Variants in NTM observed in about 807,000 individuals in gnomAD.
NTM encodes neurotrimin.
A neutral mutation model predicts 42.1 loss-of-function variants in NTM; 13 were observed. The observed-to-expected ratio is 0.31, with a 90% CI of 0.20 to 0.49. The LOEUF (loss-of-function observed/expected upper bound fraction) is 0.49, where lower values mean the gene tolerates loss of function less well. Among genes scored for constraint, NTM ranks in the 20% least tolerant of loss-of-function variants. The probability of loss-of-function intolerance (pLI) is 0.99; values close to 1 mark genes in which losing one functional copy is unlikely to be tolerated. For missense variants in NTM, 373 were observed against 452.8 expected, an observed-to-expected ratio of 0.82 and a Z score of 1.60; for synonymous variants, 187 against 179.2, an observed-to-expected ratio of 1.04 and a Z score of -0.35.
At chr11:131,501,700 G>T (rs1431537699) in intron 1 of NTM, among the ~76,000 whole-genome samples, 2 of 151,894 alleles carry the variant, frequency 1.3e-5, no homozygotes, top group African/African-American at 4.8e-5. Context: ...TAGATCTTGA[G>T]TGTGCTGTAA....
chr11:132,220,980 A>T (rs932936042), intron 4 of NTM, among the ~76,000 whole-genome samples: 1 of 152,158 alleles, frequency 6.6e-6, no homozygotes, highest in Admixed American at 6.5e-5. Flanking sequence ...ACCGCCCATC[A>T]CAACCAGGGT....
intron 1 of NTM, among the ~76,000 whole-genome samples, chr11:131,483,562 G>C (rs1953841994): frequency 6.6e-6 from 1 of 152,246 alleles, no homozygotes; most frequent in African/African-American, 2.4e-5. Flanking sequence ...TTCTTAAGGA[G>C]AGGCGGGAAT....
intron 1 of NTM, among the ~76,000 whole-genome samples, chr11:131,689,733 G>A (rs1035193772): frequency 6.6e-6 from 1 of 152,108 alleles, no homozygotes; most frequent in Non-Finnish European, 1.5e-5. Flanking sequence ...CTCCCATACC[G>A]CAGGCTTGGA....
intron 2 of NTM, among the ~76,000 whole-genome samples, chr11:132,134,416 G>A (rs770744974): frequency 7.9e-5 from 12 of 151,702 alleles, no homozygotes; most frequent in Non-Finnish European, 1.5e-4. Flanking sequence ...TGAGCTTTTG[G>A]TGCACCTTCA....
At chr11:132,107,047 C>T (rs2062465874) in intron 2 of NTM, among the ~76,000 whole-genome samples, 1 of 152,132 alleles carries the variant, frequency 6.6e-6, no homozygotes, top group African/African-American at 2.4e-5. Flanking sequence ...ATGTAAAACT[C>T]CCAGACATAT....
At chr11:131,809,809 C>T (rs559517281) in intron 1 of NTM, among the ~76,000 whole-genome samples, 1 of 152,106 alleles carries the variant, frequency 6.6e-6, no homozygotes, top group African/African-American at 2.4e-5. Flanking sequence ...AGACAGCAGC[C>T]CTTCTGTGTC....
intron 1 of NTM, among the ~76,000 whole-genome samples, chr11:131,606,530 A>G (rs926182834): frequency 6.6e-6 from 1 of 152,254 alleles, no homozygotes; most frequent in Non-Finnish European, 1.5e-5. Context: ...GTGACTGGAC[A>G]GCGATGACAG....
intron 1 of NTM, among the ~76,000 whole-genome samples, chr11:131,499,918 T>G (rs2046524223): frequency 6.6e-6 from 1 of 152,236 alleles, no homozygotes; most frequent in Admixed American, 6.5e-5. Flanking sequence ...ATTTCTTCTC[T>G]TTGAGAAGCC....
At chr11:131,784,080 C>T (rs1005131444) in intron 1 of NTM, among the ~76,000 whole-genome samples, 2 of 152,134 alleles carry the variant, frequency 1.3e-5, no homozygotes, top group Non-Finnish European at 2.9e-5. Context: ...ACTGAAACCA[C>T]AATGAACGCC....
chr11:132,218,138 C>A (rs954203503), intron 4 of NTM, among the ~76,000 whole-genome samples: 1 of 152,000 alleles, frequency 6.6e-6, no homozygotes, highest in Admixed American at 6.5e-5. Flanking sequence ...CCCCGTGTGG[C>A]GCTGAGATCA....
chr11:131,393,817 A>G (rs1455803870), intron 1 of NTM, among the ~76,000 whole-genome samples: 2 of 152,232 alleles, frequency 1.3e-5, no homozygotes, highest in Non-Finnish European at 2.9e-5. Context: ...GGAAGGGGAT[A>G]TTAAATCCAC....
chr11:132,018,097 CCTT>C (rs1465961979), intron 2 of NTM, among the ~76,000 whole-genome samples: 1 of 151,630 alleles, frequency 6.6e-6, no homozygotes, highest in African/African-American at 2.4e-5. Context: ...CAATCCTTTT[CCTT>C]CTTTGTCCCT....
chr11:131,792,278 CAG>C (rs1005735287), intron 1 of NTM, among the ~76,000 whole-genome samples: 9 of 151,982 alleles, frequency 5.9e-5, no homozygotes, highest in Admixed American at 2.0e-4. Flanking sequence ...AAGAAACAAA[CAG>C]AAAATATTTG....
intron 2 of NTM, among the ~76,000 whole-genome samples, chr11:132,139,913 C>T (rs1374288269): frequency 1.3e-5 from 2 of 152,156 alleles, no homozygotes; most frequent in South Asian, 2.1e-4. Flanking sequence ...AAGACATGAT[C>T]CTTGCTTTTC....
chr11:132,046,344 GAACT>G (rs35966200), intron 2 of NTM, among the ~76,000 whole-genome samples: 60,039 of 150,166 alleles, frequency 0.4, 13,816 homozygotes, highest in East Asian at 0.8. Flanking sequence ...TTGTTAAATT[GAACT>G]AACTGTTTTA....
intron 3 of NTM, among the ~76,000 whole-genome samples, chr11:132,190,727 A>G (rs2079169423): frequency 7.4e-6 from 1 of 135,938 alleles, no homozygotes; most frequent in Non-Finnish European, 1.6e-5. Flanking sequence ...ACAGAGTGAG[A>G]ATCCATCTTA....
intron 1 of NTM, among the ~76,000 whole-genome samples, chr11:131,673,255 T>A (rs2070740675): frequency 6.6e-6 from 1 of 152,114 alleles, no homozygotes; most frequent in Non-Finnish European, 1.5e-5. Flanking sequence ...AGGAGGATGC[T>A]CAGGGCTGCC....
chr11:132,079,544 T>G (rs1799974483), intron 2 of NTM, among the ~76,000 whole-genome samples: 2 of 152,240 alleles, frequency 1.3e-5, no homozygotes, highest in South Asian at 4.1e-4. Context: ...GCAGCCATTT[T>G]TATTGGTAAC....
chr11:132,323,798 C>A (rs1366909987), intron 7 of NTM, among the ~76,000 whole-genome samples: 13 of 151,924 alleles, frequency 8.6e-5, no homozygotes, highest in African/African-American at 3.1e-4. Flanking sequence ...CAAACTGAAT[C>A]CAGCAGCACA....
Sources: allele counts gnomAD v4.1 joint callset (sites outside exome capture counted in the v4.1 genomes callset), GRCh38; gene constraint gnomAD v4.1.1; transcripts MANE v1.5; gene names NCBI Gene and HGNC (gene_info 2026-07-23, HGNC 2026-07-21).